BRINP1: variants seen among roughly 807,000 people sequenced by gnomAD.
BRINP1 encodes BMP/retinoic acid inducible neural specific 1.
Under a neutral mutation model 72.9 loss-of-function variants are expected in BRINP1, and 17 were observed. The observed-to-expected ratio is 0.23, with a 90% CI of 0.16 to 0.35. The LOEUF is 0.35. Ranked by LOEUF, BRINP1 falls within the 10% of genes least tolerant of loss-of-function variation. The pLI, the probability that BRINP1 is intolerant of heterozygous loss-of-function variation, is 1.00. For synonymous variants in BRINP1, 418 were observed against 378.5 expected (o/e 1.10, Z -1.21); for missense variants, 850 against 1,001.6 (o/e 0.85, Z 2.04).
chr9:119,347,900 T>C (rs1342385541), intron 1 of BRINP1, among the ~76,000 whole-genome samples: 1 of 152,100 alleles, frequency 6.6e-6, no homozygotes, highest in Non-Finnish European at 1.5e-5. Flanking sequence ...ATGCATAGCA[T>C]CCCCCATTAT....
intron 1 of BRINP1, among the ~76,000 whole-genome samples, chr9:119,317,117 G>T (rs933231213): frequency 6.6e-6 from 1 of 151,886 alleles, no homozygotes; most frequent in Non-Finnish European, 1.5e-5. Context: ...AAAGAAAAAA[G>T]AAATACATTT....
chr9:119,339,089 C>T (rs919631620), intron 1 of BRINP1, among the ~76,000 whole-genome samples: 3 of 152,158 alleles, frequency 2.0e-5, no homozygotes, highest in Non-Finnish European at 4.4e-5. Flanking sequence ...CCTACTAATC[C>T]TGTTTTCTTC....
intron 1 of BRINP1, among the ~76,000 whole-genome samples, chr9:119,330,663 A>AT (rs1831290253): frequency 6.6e-6 from 1 of 152,218 alleles, no homozygotes; most frequent in East Asian, 1.9e-4. Context: ...TACATTTAAC[A>AT]TAAAAACTGG....
rs1491194274 is a variant in BRINP1 at position 119,175,116 on chromosome 9, GTA to G, written c.1146-6894_1146-6893del. Among the ~76,000 whole-genome samples the G allele has an allele frequency of 6.8e-5, 4 of 58,774 alleles. No individual in the cohort carries two copies. The East Asian group carries it at 1.9e-3, about 27-fold the overall frequency. The allele number at this position is 58,774 out of a possible 152,430, so 38.6% of individuals were successfully genotyped here. A position where few individuals can be genotyped will look rare whatever the true frequency, so the allele number is the denominator to read the frequency against. On this transcript the variant is annotated intron_variant, in intron 7 of 7. Coordinates refer to ENST00000265922, the MANE Select transcript of BRINP1 (RefSeq NM_014618.3). Reference sequence around the variant, plus strand: ...CATGTACCCTAAAACTTAAAGTAAAGTATAAAAAAAAAAAAAGACAAAAAAAA... The same window carrying G: ...CATGTACCCTAAAACTTAAAGTAAAGTAAAAAAAAAAAAAGACAAAAAAAA...
intron 7 of BRINP1, among the ~76,000 whole-genome samples, chr9:119,190,389 A>C (rs1480526071): frequency 6.6e-6 from 1 of 151,080 alleles, no homozygotes; most frequent in Admixed American, 6.6e-5. Context: ...AACTAAGCAA[A>C]ATCAACAAAC....
rs868287849 is a variant in BRINP1, at chr9:119,242,200, G to A, written c.426C>T (p.Thr142=). The A allele has an allele frequency of 6.2e-7, 1 of 1,614,016 alleles. No homozygotes were observed. The highest frequency in any genetic ancestry group is 8.5e-7 in the Non-Finnish European group (1 of 1,179,978). ...SATLGGEEAL[T]MYMDKSRLDR... The stretch of plus-strand genomic sequence containing the variant: ...CGAGGCGACTTTTGTCCATATACAT[G>A]GTCAAAGCCTCCTCCCCTGGATGGG... The change falls in exon 4 of 8, where the codon ACC becomes ACT. Residue 142 remains threonine, a synonymous_variant. Coordinates refer to ENST00000265922, the MANE Select transcript of BRINP1 (RefSeq NM_014618.3).
In BRINP1 at chr9:119,253,585, G is replaced by A. The variant is rs2118926264; in HGVS notation, c.219-4435C>T. On this transcript the variant is annotated intron_variant, in intron 2 of 7. Transcript: ENST00000265922. ...CGTGAAGATAGAGAGTGAAATGATG[G>A]TTCCCAGAGGCTGGGAAGGATAGTT... Among the ~76,000 whole-genome samples, 4 of 152,208 alleles carry A rather than the reference G, an allele frequency of 2.6e-5. No individual in the cohort carries two copies. The Middle Eastern group carries it at 0.01, about 388-fold the overall frequency.
intron 7 of BRINP1, among the ~76,000 whole-genome samples, chr9:119,179,357 AAGGAGAAAGT>A (rs759669862): frequency 2.2e-4 from 33 of 152,312 alleles, no homozygotes; most frequent in Non-Finnish European, 3.7e-4. Flanking sequence ...GGAGAGAAGG[AAGGAGAAAGT>A]AGGAGAAAGA....
chr9:119,256,142 C>A (rs1564230414), intron 2 of BRINP1, among the ~76,000 whole-genome samples: 1 of 152,050 alleles, frequency 6.6e-6, no homozygotes, highest in Non-Finnish European at 1.5e-5. Flanking sequence ...AGTTATGGTT[C>A]TACCACCTAT....
At chr9:119,360,171 T>C (rs1234218606) in intron 1 of BRINP1, among the ~76,000 whole-genome samples, 1 of 152,226 alleles carries the variant, frequency 6.6e-6, no homozygotes, top group Non-Finnish European at 1.5e-5. Flanking sequence ...GCAATAGCAT[T>C]TGATGTGGAC....
At chr9:119,178,448 A>ACAAG (rs1471910458) in intron 7 of BRINP1, among the ~76,000 whole-genome samples, 5 of 152,238 alleles carry the variant, frequency 3.3e-5, no homozygotes, top group Non-Finnish European at 1.5e-5. Context: ...TCTTTTGAAT[A>ACAAG]CAAGCAAATT....
intron 1 of BRINP1, among the ~76,000 whole-genome samples, chr9:119,327,744 G>A (rs1277201835): frequency 1.3e-5 from 2 of 152,176 alleles, no homozygotes; most frequent in Non-Finnish European, 1.5e-5. Context: ...CTCTTAGTCT[G>A]TTTTGGTAAC....
At position 119,249,839 on chromosome 9, in the gene BRINP1, G is replaced by GAAGGAAGGAAGA. The variant is rs1356555403; in HGVS notation, c.219-690_219-689insTCTTCCTTCCTT. Among the ~76,000 whole-genome samples, 178 of 66,894 alleles carry GAAGGAAGGAAGA rather than the reference G, an allele frequency of 2.7e-3. 5 individuals are homozygous for GAAGGAAGGAAGA. Among genetic ancestry groups the GAAGGAAGGAAGA allele is most frequent in the African/African-American group, 0.011 (169 of 14,952 alleles). 43.9% of individuals were successfully genotyped at this position (66,894 alleles called of 152,430 possible). A position where few individuals can be genotyped will look rare whatever the true frequency, so the allele number is the denominator to read the frequency against. ...GGAAGGAAGGAAGGAAGGAAGGAAGGAAGGAAGGAAGGAAGGGAGGGAGGG... is the reference window on the plus strand; with the variant it reads ...GGAAGGAAGGAAGGAAGGAAGGAAGGAAGGAAGGAAGAAAGGAAGGAAGGAAGGGAGGGAGGG... On this transcript the variant is annotated intron_variant, in intron 2 of 7. Transcript: ENST00000265922.
intron 3 of BRINP1, among the ~76,000 whole-genome samples, chr9:119,247,495 A>AT (rs1407534029): frequency 2.6e-5 from 4 of 151,814 alleles, no homozygotes; most frequent in Admixed American, 6.6e-5. Context: ...ACTAAAAAAA[A>AT]ATATAAAAAA....
Position 119,166,928 on chromosome 9 carries a change from A to T in BRINP1, c.*156T>A, listed in dbSNP as rs986497748. ...CCAACGCTTTTATACAGTTGCTAGA[A>T]CGTTTTCATTTCCAACAAATGAAGA... On this transcript the variant is annotated 3_prime_UTR_variant, in exon 8 of 8. Coordinates refer to ENST00000265922, the MANE Select transcript of BRINP1 (RefSeq NM_014618.3). 2.4e-5 allele frequency: 19 copies of T among 793,348 alleles called. No individual in the cohort carries two copies. The African/African-American group carries it at 3.0e-4, about 12-fold the overall frequency. The allele number at this position is 793,348 out of a possible 1,614,324, so 49.1% of individuals were successfully genotyped here.
At chr9:119,293,127 A>G (rs1257642984) in intron 2 of BRINP1, among the ~76,000 whole-genome samples, 1 of 152,134 alleles carries the variant, frequency 6.6e-6, no homozygotes, top group Non-Finnish European at 1.5e-5. Flanking sequence ...GAAAGCCCAC[A>G]TTGTGTGGTA....
At chr9:119,295,799 TC>T (rs1334631591) in intron 2 of BRINP1, among the ~76,000 whole-genome samples, 1 of 152,216 alleles carries the variant, frequency 6.6e-6, no homozygotes, top group African/African-American at 2.4e-5. Flanking sequence ...AAAGGTTCTC[TC>T]TTCAATAAAT....
intron 6 of BRINP1, among the ~76,000 whole-genome samples, chr9:119,213,430 G>A (rs1372211841): frequency 6.6e-6 from 1 of 152,208 alleles, no homozygotes; most frequent in Non-Finnish European, 1.5e-5. Flanking sequence ...AAGAGACTTT[G>A]AGCTTTGATA....
rs1200350748 is a variant in BRINP1 at position 119,208,708 on chromosome 9, G to A, written c.1145+11C>T. On this transcript the variant is annotated intron_variant, in intron 7 of 7. Coordinates refer to ENST00000265922, the MANE Select transcript of BRINP1 (RefSeq NM_014618.3). The stretch of plus-strand genomic sequence containing the variant: ...GGTGCCTGCAGAGGTGGAGGTGGTG[G>A]CAACACTTACCTCTCTCTAGGCAGC... The A allele has an allele frequency of 6.2e-7, 1 of 1,611,614 alleles. No individual in the cohort carries two copies. The highest frequency in any genetic ancestry group is 1.1e-5 in the South Asian group (1 of 90,986).
Sources: allele counts gnomAD v4.1 joint callset (sites outside exome capture counted in the v4.1 genomes callset), GRCh38; gene constraint gnomAD v4.1.1; transcripts MANE v1.5; gene names NCBI Gene and HGNC (gene_info 2026-07-23, HGNC 2026-07-21).